CFAP36: variants seen among roughly 807,000 people sequenced by gnomAD.
The protein encoded by CFAP36 is cilia and flagella associated protein 36.
In CFAP36, 37 loss-of-function variants were observed where a neutral mutation model predicts 50.5. The observed-to-expected ratio is 0.73, with a 90% CI of 0.56 to 0.96. The LOEUF (loss-of-function observed/expected upper bound fraction) is 0.96. Among genes scored for constraint, CFAP36 ranks in the 50% least tolerant of loss-of-function variants. The pLI, the probability that CFAP36 is intolerant of heterozygous loss-of-function variation, is 0.00. For missense variants in CFAP36, 407 were observed against 396.2 expected, an observed-to-expected ratio of 1.03 and a Z score of -0.23; for synonymous variants, 138 against 128.2, an observed-to-expected ratio of 1.08 and a Z score of -0.52.
intron 6 of CFAP36, among the ~76,000 whole-genome samples, chr2:55,536,907 G>C (rs1396523963): frequency 9.9e-6 from 1 of 100,504 alleles, no homozygotes; most frequent in Non-Finnish European, 2.0e-5. Flanking sequence ...ACCACTCTTG[G>C]CTAATTTTTG....
intron 2 of CFAP36, among the ~76,000 whole-genome samples, chr2:55,523,514 TAGA>T (rs1332872236): frequency 6.6e-6 from 1 of 152,196 alleles, no homozygotes; most frequent in Non-Finnish European, 1.5e-5. Context: ...CTATTTCTAT[TAGA>T]AGAAATACAA....
intron 3 of CFAP36, among the ~76,000 whole-genome samples, chr2:55,524,963 A>G (rs1273423569): frequency 6.6e-6 from 1 of 152,002 alleles, no homozygotes; most frequent in African/African-American, 2.4e-5. Context: ...CCTGGGCAAC[A>G]AGAACAAAAC....
chr2:55,525,111 C>T (rs896976452), intron 3 of CFAP36, among the ~76,000 whole-genome samples: 2 of 152,116 alleles, frequency 1.3e-5, no homozygotes, highest in Non-Finnish European at 2.9e-5. Flanking sequence ...TGCCCTTGCT[C>T]AGAGGGTGAG....
At chr2:55,524,929 C>T (rs1684166286) in intron 3 of CFAP36, among the ~76,000 whole-genome samples, 1 of 150,968 alleles carries the variant, frequency 6.6e-6, no homozygotes, top group Non-Finnish European at 1.5e-5. Context: ...TGTGGTGAGC[C>T]AAGATCGCGC....
intron 2 of CFAP36, among the ~76,000 whole-genome samples, chr2:55,523,042 G>A (rs1351198467): frequency 6.7e-6 from 1 of 149,000 alleles, no homozygotes; most frequent in Non-Finnish European, 1.5e-5. Context: ...AGGCTGCAGT[G>A]AGCCATTACT....
intron 4 of CFAP36, among the ~76,000 whole-genome samples, chr2:55,533,084 G>A (rs528549597): frequency 3.3e-5 from 5 of 152,086 alleles, no homozygotes; most frequent in African/African-American, 7.2e-5. Context: ...AGTAAGCAGC[G>A]CCCTTTTCAA....
At chr2:55,520,574 C>A in intron 1 of CFAP36, 1 of 905,074 alleles carries the variant, frequency 1.1e-6, no homozygotes, top group Non-Finnish European at 1.6e-6. Context: ...CATAATATTC[C>A]CCGTGAAGGA....
chr2:55,520,852 A>T (rs1684044468), intron 1 of CFAP36, among the ~76,000 whole-genome samples: 1 of 152,186 alleles, frequency 6.6e-6, no homozygotes, highest in Non-Finnish European at 1.5e-5. Context: ...ATTTCAGTGA[A>T]GGAAGTGTTT....
chr2:55,544,932 C>G lies in CFAP36; in HGVS notation c.953C>G (p.Thr318Arg). The G allele has an allele frequency of 1.2e-6, 2 of 1,603,572 alleles. No homozygotes were observed. ...VEEMTEKPEMTAEEKQTLLKR... is the reference protein window; with the variant it reads ...VEEMTEKPEMRAEEKQTLLKR... The stretch of plus-strand genomic sequence containing the variant: ...GAAATGACAGAGAAACCAGAAATGA[C>G]AGCAGAGGAGAAGCAAACATTACTA... The change falls in exon 10 of 10, where the codon ACA (threonine) becomes AGA (arginine). Residue 318 changes from threonine to arginine, a missense_variant. By Grantham distance (71) the Thr-to-Arg change is moderately conservative (BLOSUM62 -1). Coordinates refer to ENST00000349456, the MANE Select transcript of CFAP36 (RefSeq NM_080667.7).
At chr2:55,528,227 A>G (rs903555742) in intron 3 of CFAP36, among the ~76,000 whole-genome samples, 5 of 149,768 alleles carry the variant, frequency 3.3e-5, no homozygotes, top group Admixed American at 6.6e-5. Flanking sequence ...ATAATCATAA[A>G]GTATTATATT....
chr2:55,525,880 G>A (rs529316420), intron 3 of CFAP36, among the ~76,000 whole-genome samples: 1 of 152,308 alleles, frequency 6.6e-6, no homozygotes, highest in East Asian at 1.9e-4. Flanking sequence ...ACCCGCCTCG[G>A]CCTCCCAAAG....
At chr2:55,534,665 G>A (rs1452693938) in intron 5 of CFAP36, among the ~76,000 whole-genome samples, 1 of 152,198 alleles carries the variant, frequency 6.6e-6, no homozygotes, top group Non-Finnish European at 1.5e-5. Context: ...TAGATTTAGG[G>A]CAAAAGGATG....
intron 2 of CFAP36, 144 bp downstream of exon 2, chr2:55,522,310 C>T: frequency 1.9e-6 from 1 of 533,402 alleles, no homozygotes; most frequent in South Asian, 2.8e-5. Flanking sequence ...CCAGTTATAT[C>T]TGTCTCCACA....
At chr2:55,540,077 C>G (rs990706688) in intron 7 of CFAP36, among the ~76,000 whole-genome samples, 9 of 152,130 alleles carry the variant, frequency 5.9e-5, no homozygotes, top group Non-Finnish European at 7.4e-5. Context: ...TTCTTCCAGT[C>G]TGTGGCTTGT....
At chr2:55,531,262 A>G (rs1243382247) in intron 4 of CFAP36, 2 of 152,204 alleles carry the variant, frequency 1.3e-5, no homozygotes, top group African/African-American at 4.8e-5. Flanking sequence ...GGGTTAGACA[A>G]TTTTAGTAAG....
rs374978931 is a variant in CFAP36, at chr2:55,537,607, C to G, written c.640+22C>G. Reference sequence around the variant, plus strand: ...TCAGGTAAGGTTGAGGTGTACTGAACTTTCTCTAATAATATGAATACATAA... The same window carrying G: ...TCAGGTAAGGTTGAGGTGTACTGAAGTTTCTCTAATAATATGAATACATAA... On this transcript the variant is annotated intron_variant, in intron 7 of 9. Coordinates refer to ENST00000349456, the MANE Select transcript of CFAP36 (RefSeq NM_080667.7). 4.1e-6 allele frequency: 6 copies of G among 1,470,940 alleles called. 1 individual carries two copies. Among genetic ancestry groups the G allele is most frequent in the Non-Finnish European group, 3.7e-6 (4 of 1,071,558 alleles). 91.1% of individuals were successfully genotyped at this position (1,470,940 alleles called of 1,614,324 possible). A position where few individuals can be genotyped will look rare whatever the true frequency, so the allele number is the denominator to read the frequency against.
chr2:55,522,095 A>C lies in CFAP36; in HGVS notation c.116-7A>C. ...TTACACTATGTAATATTTTCTTTTA[A>C]ATTTAGTTTTTGATGATGAAGAAGA... On this transcript the variant is annotated splice_polypyrimidine_tract_variant and splice_region_variant and intron_variant, in intron 1 of 9. Transcript: ENST00000349456. 1.4e-6 allele frequency: 2 copies of C among 1,422,424 alleles called. No individual in the cohort carries two copies. Among genetic ancestry groups the C allele is most frequent in the Non-Finnish European group, 2.0e-6 (2 of 1,024,230 alleles). 88.1% of individuals were successfully genotyped at this position (1,422,424 alleles called of 1,614,324 possible). A position where few individuals can be genotyped will look rare whatever the true frequency, so the allele number is the denominator to read the frequency against.
chr2:55,522,099 T>C lies in CFAP36; in HGVS notation c.116-3T>C, dbSNP rs1337335553. ...ACTATGTAATATTTTCTTTTAAATT[T>C]AGTTTTTGATGATGAAGAAGAAAGC... On this transcript the variant is annotated splice_polypyrimidine_tract_variant and splice_region_variant and intron_variant, in intron 1 of 9. Coordinates refer to ENST00000349456, the MANE Select transcript of CFAP36 (RefSeq NM_080667.7). The C allele has an allele frequency of 2.1e-6, 3 of 1,437,600 alleles. No individual in the cohort carries two copies. Among genetic ancestry groups the C allele is most frequent in the Non-Finnish European group, 2.9e-6 (3 of 1,037,048 alleles). 89.1% of individuals were successfully genotyped at this position (1,437,600 alleles called of 1,614,324 possible). A position where few individuals can be genotyped will look rare whatever the true frequency, so the allele number is the denominator to read the frequency against.
At chr2:55,532,027 G>C (rs571869058) in intron 4 of CFAP36, among the ~76,000 whole-genome samples, 1 of 152,184 alleles carries the variant, frequency 6.6e-6, no homozygotes, top group African/African-American at 2.4e-5. Context: ...TCTAATACAT[G>C]TACTTAAGAG....
Sources: gnomAD v4.1 joint callset for allele counts (sites outside exome capture counted in the v4.1 genomes callset) on GRCh38, gnomAD v4.1.1 for gene constraint, MANE v1.5 for transcripts, NCBI Gene and HGNC (gene_info 2026-07-23, HGNC 2026-07-21) for gene names.